Variants in COBLL1 observed in about 807,000 individuals in gnomAD.
COBLL1 encodes cordon-bleu protein-like 1.
In COBLL1, 50 loss-of-function variants were observed where a neutral mutation model predicts 94.8. The ratio of observed to expected loss-of-function variants is 0.53; its 90% CI spans 0.42 to 0.67. The LOEUF (loss-of-function observed/expected upper bound fraction) is 0.67. Among genes scored for constraint, COBLL1 ranks in the 30% least tolerant of loss-of-function variants. The pLI is 0.00. For synonymous variants in COBLL1, 448 were observed against 473.8 expected (o/e 0.95, Z 0.71); for missense variants, 1,362 against 1,348.7 (o/e 1.01, Z -0.15).
At chr2:164,719,517 C>T (rs1465903719) in intron 7 of COBLL1, among the ~76,000 whole-genome samples, 3 of 152,182 alleles carry the variant, frequency 2.0e-5, no homozygotes, top group Non-Finnish European at 4.4e-5. Context: ...CCTCCCTTGC[C>T]TCTTCCAGCT....
At chr2:164,669,134 T>C (rs890032033) in intron 1 of COBLL1, among the ~76,000 whole-genome samples, 152 of 152,342 alleles carry the variant, frequency 1.0e-3, no homozygotes, top group Non-Finnish European at 1.9e-3. Flanking sequence ...TCTCTTTTTT[T>C]CCTCATTATC....
rs1683585185 is a variant in COBLL1 at position 164,841,170 on chromosome 2, C to CT, written c.26dup (p.Asp10GlyfsTer18). On this transcript the variant is annotated frameshift_variant, in exon 2 of 14. Coordinates refer to ENST00000652658, the MANE Select transcript of COBLL1 (RefSeq NM_001365672.2). LOFTEE classifies it high-confidence loss of function. The surrounding 1 kb of genome is among the most constrained non-coding windows in gnomAD (Gnocchi z 5.5). The stretch of plus-strand genomic sequence containing the variant: ...TCTGGGCTTACCTGGCTGGGGCGTC[C>CT]TGCGGGCGCGGGGTTCGGCCGTCCA... 7.3e-6 allele frequency: 9 copies of CT among 1,231,452 alleles called. No individual in the cohort carries two copies. The highest frequency in any genetic ancestry group is 9.1e-6 in the Non-Finnish European group (9 of 988,130). The allele number at this position is 1,231,452 out of a possible 1,614,324, so 76.3% of individuals were successfully genotyped here. A position where few individuals can be genotyped will look rare whatever the true frequency, so the allele number is the denominator to read the frequency against.
chr2:164,767,499 G>C (rs898846545), intron 2 of COBLL1, among the ~76,000 whole-genome samples: 5 of 151,548 alleles, frequency 3.3e-5, no homozygotes, highest in Admixed American at 2.0e-4. Context: ...TTCATTCACT[G>C]CTCTTTGATG....
At chr2:164,817,834 C>T (rs188406630) in intron 2 of COBLL1, among the ~76,000 whole-genome samples, 1 of 152,146 alleles carries the variant, frequency 6.6e-6, no homozygotes, top group African/African-American at 2.4e-5. Context: ...AATATCATAT[C>T]ACTGGGCTAT....
intron 9 of COBLL1, 73 bp from the exon 10 acceptor site, chr2:164,700,829 G>C (rs1045875947): frequency 1.1e-6 from 1 of 899,870 alleles, no homozygotes; most frequent in Middle Eastern, 2.8e-4. Flanking sequence ...GGCAAGGAAG[G>C]AATTTTGAAA....
chr2:164,747,085 C>T (rs1686897683), intron 2 of COBLL1, among the ~76,000 whole-genome samples: 3 of 142,730 alleles, frequency 2.1e-5, no homozygotes, highest in Non-Finnish European at 3.1e-5. Context: ...TCAATGACTA[C>T]TTTCCACAGA....
chr2:164,783,341 A>C (rs1215869924), intron 2 of COBLL1, among the ~76,000 whole-genome samples: 1 of 152,144 alleles, frequency 6.6e-6, no homozygotes, highest in Admixed American at 6.6e-5. Flanking sequence ...TGAGCCTGGG[A>C]GGTCAAAGCT....
chr2:164,813,753 T>C (rs543399405), intron 2 of COBLL1, among the ~76,000 whole-genome samples: 2 of 152,288 alleles, frequency 1.3e-5, no homozygotes, highest in East Asian at 1.9e-4. Flanking sequence ...AAACTGTTTG[T>C]AGTCAAGCTG....
chr2:164,779,591 A>G (rs1474923852), intron 2 of COBLL1: 2 of 459,204 alleles, frequency 4.4e-6, no homozygotes, highest in African/African-American at 2.0e-5. Context: ...CAGAACACAG[A>G]GCCTATTTCC....
At chr2:164,743,169 TA>T (rs1228040755) in intron 3 of COBLL1, 5 of 152,202 alleles carry the variant, frequency 3.3e-5, no homozygotes, top group South Asian at 2.1e-4. Flanking sequence ...TTCAATGAAA[TA>T]AAAAAACTGC....
At chr2:164,674,215 C>T (rs1691298478) in intron 1 of COBLL1, among the ~76,000 whole-genome samples, 1 of 152,112 alleles carries the variant, frequency 6.6e-6, no homozygotes, top group Admixed American at 6.6e-5. Context: ...CACGCACCAC[C>T]AGACCCAGCT....
chr2:164,751,560 T>C (rs972071613), intron 2 of COBLL1, among the ~76,000 whole-genome samples: 19 of 152,146 alleles, frequency 1.2e-4, no homozygotes, highest in African/African-American at 4.6e-4. Context: ...AAGGTGCTTT[T>C]GGTCTACATT....
intron 2 of COBLL1, among the ~76,000 whole-genome samples, chr2:164,659,623 T>C (rs1691038113): frequency 6.6e-6 from 1 of 152,172 alleles, no homozygotes; most frequent in African/African-American, 2.4e-5. Context: ...CATTTTCTAA[T>C]AGCAGTAGAC....
Position 164,705,125 on chromosome 2 carries a change from A to C in COBLL1, c.997-20T>G, listed in dbSNP as rs748124645. 6.7e-7 allele frequency: 1 copy of C among 1,491,438 alleles called. No individual in the cohort carries two copies. The highest frequency in any genetic ancestry group is 8.9e-7 in the Non-Finnish European group (1 of 1,121,346). The allele number at this position is 1,491,438 out of a possible 1,614,324, so 92.4% of individuals were successfully genotyped here. Reference sequence around the variant, plus strand: ...GGGACTCTGGAAAACAAAATGACCAAATAAAATCCTACATTTAGAAATCAG... The same window carrying C: ...GGGACTCTGGAAAACAAAATGACCACATAAAATCCTACATTTAGAAATCAG... On this transcript the variant is annotated intron_variant, in intron 7 of 13. Coordinates refer to ENST00000652658, the MANE Select transcript of COBLL1 (RefSeq NM_001365672.2).
chr2:164,751,452 C>A (rs75062270), intron 2 of COBLL1, among the ~76,000 whole-genome samples: 1 of 151,976 alleles, frequency 6.6e-6, no homozygotes, highest in Non-Finnish European at 1.5e-5. Flanking sequence ...CATAGGAGAG[C>A]AAAAACTTGG....
rs892465461 is a variant in COBLL1 at position 164,685,759 on chromosome 2, C to A, written c.*187G>T. 3 of 392,084 alleles carry A rather than the reference C, an allele frequency of 7.7e-6. No individual in the cohort carries two copies. The highest frequency in any genetic ancestry group is 3.8e-5 in the East Asian group (1 of 26,244). 24.3% of individuals were successfully genotyped at this position (392,084 alleles called of 1,614,324 possible). A position where few individuals can be genotyped will look rare whatever the true frequency, so the allele number is the denominator to read the frequency against. Reference sequence around the variant, plus strand: ...TCAACTCTTAAGGCAAAAAAAAGATCAAAAAATTACTATAAATTATAAATT... The same window carrying A: ...TCAACTCTTAAGGCAAAAAAAAGATAAAAAAATTACTATAAATTATAAATT... On this transcript the variant is annotated 3_prime_UTR_variant, in exon 14 of 14. Coordinates refer to ENST00000652658, the MANE Select transcript of COBLL1 (RefSeq NM_001365672.2).
At chr2:164,715,681 T>C (rs1193683208) in intron 7 of COBLL1, among the ~76,000 whole-genome samples, 2 of 151,946 alleles carry the variant, frequency 1.3e-5, no homozygotes, top group African/African-American at 4.8e-5. Context: ...AAAAATTAAG[T>C]CAGTTATTTT....
intron 2 of COBLL1, among the ~76,000 whole-genome samples, chr2:164,836,487 A>G (rs941640154): frequency 1.3e-5 from 2 of 152,224 alleles, no homozygotes; most frequent in African/African-American, 4.8e-5. Context: ...ACATAGCACT[A>G]TGAAAAGCAT....
intron 3 of COBLL1, among the ~76,000 whole-genome samples, chr2:164,733,995 G>A (rs1010855665): frequency 7.2e-5 from 11 of 152,162 alleles, no homozygotes; most frequent in Non-Finnish European, 1.2e-4. Context: ...AGCAGCATCA[G>A]TATCTGCTGG....
Sources: allele counts gnomAD v4.1 joint callset (sites outside exome capture counted in the v4.1 genomes callset), GRCh38; gene constraint gnomAD v4.1.1; non-coding constraint Gnocchi (gnomAD v3.1); transcripts MANE v1.5; gene names NCBI Gene and HGNC (gene_info 2026-07-23, HGNC 2026-07-21).